SEMA3D: variants seen among roughly 807,000 people sequenced by gnomAD.
SEMA3D encodes the protein semaphorin-3D.
A neutral mutation model predicts 100.1 loss-of-function variants in SEMA3D; 84 were observed. That is an observed-to-expected ratio of 0.84 (90% CI 0.70 to 1.01). The LOEUF (loss-of-function observed/expected upper bound fraction) is 1.01. Among genes scored for constraint, SEMA3D ranks in the 50% least tolerant of loss-of-function variants. The pLI, the probability that SEMA3D is intolerant of heterozygous loss-of-function variation, is 0.00. For missense variants in SEMA3D, 875 were observed against 934.1 expected (o/e 0.94, Z 0.82); for synonymous variants, 312 against 320.7 (o/e 0.97, Z 0.29).
chr7:85,210,030 C>T, the SEMA3D span, among the ~76,000 whole-genome samples: 1 of 152,078 alleles, frequency 6.6e-6, no homozygotes, highest in East Asian at 1.9e-4. Flanking sequence ...ATTGATCCAA[C>T]CTCCTCATTT....
At chr7:85,205,095 AAT>A in the SEMA3D span, among the ~76,000 whole-genome samples, 1 of 151,980 alleles carries the variant, frequency 6.6e-6, no homozygotes, top group South Asian at 2.1e-4. Flanking sequence ...TCTTTTGAGA[AAT>A]GTCTATTTAG....
chr7:85,247,194 ACT>A, the SEMA3D span, among the ~76,000 whole-genome samples: 1 of 152,080 alleles, frequency 6.6e-6, no homozygotes, highest in Non-Finnish European at 1.5e-5. Flanking sequence ...GAGAATAATC[ACT>A]GACAGAAGAG....
chr7:85,186,116 C>T (rs1791538625), intron 1 of SEMA3D, among the ~76,000 whole-genome samples: 1 of 152,176 alleles, frequency 6.6e-6, no homozygotes, highest in Admixed American at 6.5e-5. Flanking sequence ...CAACAAAAAC[C>T]ACCACGCTTC....
At chr7:85,177,227 G>A (rs991230047) in intron 1 of SEMA3D, among the ~76,000 whole-genome samples, 2 of 152,138 alleles carry the variant, frequency 1.3e-5, no homozygotes, top group Non-Finnish European at 2.9e-5. Flanking sequence ...ATAATAGGGA[G>A]ATAGTAAGAT....
intron 12 of SEMA3D, among the ~76,000 whole-genome samples, chr7:85,033,485 C>G (rs1584538154): frequency 6.6e-6 from 1 of 152,028 alleles, no homozygotes; most frequent in Admixed American, 6.6e-5. Context: ...AACTTACACT[C>G]GAGTTGGAAA....
At chr7:85,047,345 C>T (rs1187649282) in intron 9 of SEMA3D, among the ~76,000 whole-genome samples, 4 of 151,668 alleles carry the variant, frequency 2.6e-5, no homozygotes, top group African/African-American at 9.7e-5. Context: ...TTATATTTTC[C>T]TTCTACTGTC....
At chr7:85,231,056 T>C in the SEMA3D span, among the ~76,000 whole-genome samples, 44 of 152,204 alleles carry the variant, frequency 2.9e-4, no homozygotes, top group Non-Finnish European at 5.9e-4. Context: ...AGATGTTGTT[T>C]TCTTAAAACG....
intron 6 of SEMA3D, among the ~76,000 whole-genome samples, chr7:85,070,856 C>G (rs888049162): frequency 1.3e-5 from 2 of 152,192 alleles, no homozygotes; most frequent in African/African-American, 4.8e-5. Flanking sequence ...GCTTGGCTCA[C>G]TGCAACCTCC....
chr7:85,155,704 A>G (rs984993019), intron 1 of SEMA3D, among the ~76,000 whole-genome samples: 2 of 152,158 alleles, frequency 1.3e-5, no homozygotes, highest in Non-Finnish European at 2.9e-5. Flanking sequence ...TTAGTTATAT[A>G]TTTATTTCTA....
the SEMA3D span, among the ~76,000 whole-genome samples, chr7:85,205,587 G>A: frequency 6.6e-6 from 1 of 151,844 alleles, no homozygotes; most frequent in African/African-American, 2.4e-5. Flanking sequence ...CCTTTAAGAA[G>A]TGTTCAGTCT....
At chr7:85,036,613 C>T (rs573383450) in intron 12 of SEMA3D, among the ~76,000 whole-genome samples, 1 of 152,162 alleles carries the variant, frequency 6.6e-6, no homozygotes, top group African/African-American at 2.4e-5. Flanking sequence ...ATAACTAAAT[C>T]TTTCCAATGA....
At chr7:85,157,447 C>G (rs899798103) in intron 1 of SEMA3D, among the ~76,000 whole-genome samples, 1 of 152,076 alleles carries the variant, frequency 6.6e-6, no homozygotes, top group African/African-American at 2.4e-5. Flanking sequence ...AACCAGCTCC[C>G]CATTGTACAT....
At chr7:85,238,837 C>T in the SEMA3D span, among the ~76,000 whole-genome samples, 1 of 152,070 alleles carries the variant, frequency 6.6e-6, no homozygotes, top group Non-Finnish European at 1.5e-5. Flanking sequence ...TAGAATTTCT[C>T]TTCATTTATT....
intron 9 of SEMA3D, among the ~76,000 whole-genome samples, chr7:85,048,929 T>A (rs1791082275): frequency 6.6e-6 from 1 of 151,808 alleles, no homozygotes. Context: ...ATTATAAGCA[T>A]TTTTTAACAT....
the SEMA3D span, among the ~76,000 whole-genome samples, chr7:85,212,468 T>C: frequency 2.0e-5 from 3 of 150,972 alleles, no homozygotes; most frequent in Non-Finnish European, 4.4e-5. Flanking sequence ...ATTGCAGGGC[T>C]GATCAGTTCT....
At chr7:85,151,236 A>T (rs1790375273) in intron 2 of SEMA3D, among the ~76,000 whole-genome samples, 2 of 152,002 alleles carry the variant, frequency 1.3e-5, no homozygotes, top group Admixed American at 6.6e-5. Flanking sequence ...AGTGTTGTCA[A>T]CCCAAGAAAA....
At chr7:85,117,000 C>T (rs912404473) in intron 3 of SEMA3D, among the ~76,000 whole-genome samples, 1 of 152,176 alleles carries the variant, frequency 6.6e-6, no homozygotes, top group African/African-American at 2.4e-5. Flanking sequence ...ACACTACTAT[C>T]ATTGAGAAAT....
At chr7:85,202,582 A>C in the SEMA3D span, among the ~76,000 whole-genome samples, 1 of 152,078 alleles carries the variant, frequency 6.6e-6, no homozygotes, top group Non-Finnish European at 1.5e-5. Context: ...AAATTTTCGC[A>C]ACCTACTCAT....
chr7:85,214,786 G>A, the SEMA3D span, among the ~76,000 whole-genome samples: 12 of 152,200 alleles, frequency 7.9e-5, no homozygotes, highest in South Asian at 6.2e-4. Flanking sequence ...GTGAGCCACC[G>A]TGCCCGGCCT....
Sources: allele counts gnomAD v4.1 joint callset (sites outside exome capture counted in the v4.1 genomes callset), GRCh38; gene constraint gnomAD v4.1.1; transcripts MANE v1.5; gene names NCBI Gene and HGNC (gene_info 2026-07-23, HGNC 2026-07-21).